The following SLC16A9 variants were observed in gnomAD, a reference collection of about 807,000 sequenced individuals.
SLC16A9 encodes the protein monocarboxylate transporter 9.
A neutral mutation model predicts 44.3 loss-of-function variants in SLC16A9; 26 were observed. The ratio of observed to expected loss-of-function variants is 0.59; its 90% CI spans 0.43 to 0.81. The LOEUF (loss-of-function observed/expected upper bound fraction) is 0.81. Ranked by LOEUF, SLC16A9 falls within the 40% of genes least tolerant of loss-of-function variation. The pLI, the probability that SLC16A9 is intolerant of heterozygous loss-of-function variation, is 0.00. For synonymous variants in SLC16A9, 230 were observed against 225.1 expected, an observed-to-expected ratio of 1.02 and a Z score of -0.19; for missense variants, 559 against 595.8, an observed-to-expected ratio of 0.94 and a Z score of 0.64.
At chr10:59,677,063 T>TCACACACACACACA (rs57206841) in intron 2 of SLC16A9, among the ~76,000 whole-genome samples, 42,802 of 148,960 alleles carry the variant, frequency 0.29, 6,609 homozygotes, top group East Asian at 0.52. Context: ...AATAGGAACT[T>TCACACACACACACA]CACACACACA....
intron 2 of SLC16A9, among the ~76,000 whole-genome samples, chr10:59,681,756 GTA>G (rs61323190): frequency 4.9e-4 from 8 of 16,422 alleles, no homozygotes; most frequent in East Asian, 2.8e-3. Flanking sequence ...ATATGTATAT[GTA>G]TATGATGTAT....
At chr10:59,674,553 C>T (rs1421904088) in intron 2 of SLC16A9, among the ~76,000 whole-genome samples, 1 of 152,162 alleles carries the variant, frequency 6.6e-6, no homozygotes, top group African/African-American at 2.4e-5. Context: ...AATTTATCAT[C>T]CAATAGTTGG....
At chr10:59,702,366 T>C (rs951260986) in intron 1 of SLC16A9, among the ~76,000 whole-genome samples, 1 of 152,232 alleles carries the variant, frequency 6.6e-6, no homozygotes, top group African/African-American at 2.4e-5. Context: ...GATTCGGTTT[T>C]AAATGTTAAA....
At position 59,675,832 on chromosome 10, in the gene SLC16A9, C is replaced by T. The variant is rs564222042; in HGVS notation, c.197-2919G>A. Among the ~76,000 whole-genome samples the T allele has an allele frequency of 4.6e-5, 7 of 152,370 alleles. No homozygotes were observed. The South Asian group carries it at 1.2e-3, about 27-fold the overall frequency. ...AGGAAAAACCCCAGAACCATGCCAACTTGTAAAACCCCAAGTCAAGGACTG... is the reference window on the plus strand; with the variant it reads ...AGGAAAAACCCCAGAACCATGCCAATTTGTAAAACCCCAAGTCAAGGACTG... On this transcript the variant is annotated intron_variant, in intron 2 of 5. Coordinates refer to ENST00000395348, the MANE Select transcript of SLC16A9 (RefSeq NM_194298.3).
intron 4 of SLC16A9, among the ~76,000 whole-genome samples, chr10:59,663,400 C>T (rs566519257): frequency 9.2e-5 from 14 of 152,006 alleles, no homozygotes; most frequent in South Asian, 2.1e-4. Flanking sequence ...AAATGTGGCA[C>T]GTACACTCCA....
At chr10:59,690,205 G>A (rs1051614958) in intron 1 of SLC16A9, among the ~76,000 whole-genome samples, 1 of 150,878 alleles carries the variant, frequency 6.6e-6, no homozygotes, top group Non-Finnish European at 1.5e-5. Flanking sequence ...AAAAAAAGAA[G>A]AAAGTGGTCT....
intron 1 of SLC16A9, among the ~76,000 whole-genome samples, chr10:59,703,027 G>C (rs1409078661): frequency 6.6e-6 from 1 of 152,198 alleles, no homozygotes; most frequent in Non-Finnish European, 1.5e-5. Flanking sequence ...GGCAGAACAG[G>C]AAGTAAAATA....
intron 1 of SLC16A9, among the ~76,000 whole-genome samples, chr10:59,691,876 CT>C (rs1459572847): frequency 6.6e-6 from 1 of 152,202 alleles, no homozygotes; most frequent in Non-Finnish European, 1.5e-5. Flanking sequence ...CTGAGTATTT[CT>C]ATCCCTGAAA....
intron 2 of SLC16A9, among the ~76,000 whole-genome samples, chr10:59,679,682 G>A (rs372112990): frequency 3.9e-5 from 6 of 152,162 alleles, no homozygotes; most frequent in Admixed American, 2.0e-4. Context: ...ACCTAGATTG[G>A]TGTTTGAACA....
chr10:59,690,181 C>T (rs1054392035), intron 1 of SLC16A9, among the ~76,000 whole-genome samples: 1 of 151,974 alleles, frequency 6.6e-6, no homozygotes, highest in Admixed American at 6.6e-5. Context: ...GATCAAGATG[C>T]TGTCTCAAAA....
chr10:59,697,014 C>T (rs1323308293), intron 1 of SLC16A9, among the ~76,000 whole-genome samples: 1 of 97,870 alleles, frequency 1.0e-5, no homozygotes, highest in Non-Finnish European at 2.2e-5. Flanking sequence ...CCAGCCGCCC[C>T]GTCCGGGAGG....
At position 59,679,148 on chromosome 10, in the gene SLC16A9, C is replaced by T. The variant is rs76754739; in HGVS notation, c.196+4948G>A. ...GAGTACAAAACTGCAGACTAGATCT[C>T]CGTGCTATTTCCTGCTGTTTCAGCA... is the stretch of plus-strand genomic sequence containing the variant. On this transcript the variant is annotated intron_variant, in intron 2 of 5. Coordinates refer to ENST00000395348, the MANE Select transcript of SLC16A9 (RefSeq NM_194298.3). Among the ~76,000 whole-genome samples the T allele has an allele frequency of 2.4e-4, 37 of 151,164 alleles. No individual in the cohort carries two copies. The East Asian group carries it at 4.4e-3, about 18-fold the overall frequency.
chr10:59,687,256 CAATT>C (rs1457863685), intron 1 of SLC16A9, among the ~76,000 whole-genome samples: 2 of 152,152 alleles, frequency 1.3e-5, no homozygotes, highest in African/African-American at 4.8e-5. Context: ...AGAATAATAC[CAATT>C]AACAAAAGTA....
Position 59,654,133 on chromosome 10 carries a change from A to G in SLC16A9, c.893T>C (p.Val298Ala). The G allele has an allele frequency of 6.2e-7, 1 of 1,614,198 alleles. No individual in the cohort carries two copies. Among genetic ancestry groups the G allele is most frequent in the Non-Finnish European group, 8.5e-7 (1 of 1,180,034 alleles). ...AAATACTTTGTTTTTAAAAAGAGCC[A>G]CAGTTTCACCACAGTAGTTTTTATA... ...QLYKNYCGET[V>A]ALFKNKVFSA... Residue 298 changes from valine to alanine, a missense_variant, in exon 5 of 6, where the codon GTG becomes GCG. Transcript: ENST00000395348.
chr10:59,655,367 C>G (rs530526011), intron 4 of SLC16A9, among the ~76,000 whole-genome samples: 1 of 152,226 alleles, frequency 6.6e-6, no homozygotes, highest in Non-Finnish European at 1.5e-5. Flanking sequence ...TTATTATGTG[C>G]CAGGCTCCAT....
At chr10:59,685,977 CT>C (rs11313249) in intron 1 of SLC16A9, among the ~76,000 whole-genome samples, 120,523 of 140,818 alleles carry the variant, frequency 0.86, 51,535 homozygotes, top group East Asian at 0.99. Context: ...GCATTTCTTT[CT>C]TTTTTTTTTT....
chr10:59,705,971 C>A (rs1840628128), intron 1 of SLC16A9, among the ~76,000 whole-genome samples: 1 of 152,168 alleles, frequency 6.6e-6, no homozygotes, highest in African/African-American at 2.4e-5. Flanking sequence ...TCAGCTACTC[C>A]AAACTGCTTT....
intron 5 of SLC16A9, 80 bp downstream of exon 5, chr10:59,653,595 A>G (rs12356193): frequency 0.15 from 176,659 of 1,212,094 alleles, 14,147 homozygotes; most frequent in Non-Finnish European, 0.16. Context: ...CTGTGCTACT[A>G]TTACAATCTG....
In SLC16A9 at chr10:59,685,158, C is replaced by T. The variant is rs190406948; in HGVS notation, c.-36-831G>A. Among the ~76,000 whole-genome samples the T allele has an allele frequency of 8.5e-5, 13 of 152,246 alleles. No homozygotes were observed. In the East Asian group the frequency reaches 2.5e-3, roughly 29 times the overall value. Reference sequence around the variant, plus strand: ...AGTAGTATATTATACATTACATTCCCCACCTTCCTTTGTCCACATAACATC... The same window carrying T: ...AGTAGTATATTATACATTACATTCCTCACCTTCCTTTGTCCACATAACATC... On this transcript the variant is annotated intron_variant, in intron 1 of 5. Coordinates refer to ENST00000395348, the MANE Select transcript of SLC16A9 (RefSeq NM_194298.3).
Sources: allele counts gnomAD v4.1 joint callset (sites outside exome capture counted in the v4.1 genomes callset), GRCh38; gene constraint gnomAD v4.1.1; transcripts MANE v1.5; gene names NCBI Gene and HGNC (gene_info 2026-07-23, HGNC 2026-07-21).